Variants in SLC22A23 observed in about 807,000 individuals in gnomAD.
The protein encoded by SLC22A23 is solute carrier family 22 member 23.
Under a neutral mutation model 61.0 loss-of-function variants are expected in SLC22A23, and 26 were observed. That is an observed-to-expected ratio of 0.43 (90% CI 0.31 to 0.59). The LOEUF (loss-of-function observed/expected upper bound fraction) is 0.59. SLC22A23 is among the 20% of genes least tolerant of loss of function. The probability of loss-of-function intolerance (pLI) is 0.11; values close to 1 mark genes in which losing one functional copy is unlikely to be tolerated. For synonymous variants in SLC22A23, 430 were observed against 413.9 expected, an observed-to-expected ratio of 1.04 and a Z score of -0.47; for missense variants, 796 against 934.7, an observed-to-expected ratio of 0.85 and a Z score of 1.94.
intron 3 of SLC22A23, among the ~76,000 whole-genome samples, chr6:3,336,301 T>C (rs1321368722): frequency 6.6e-6 from 1 of 152,228 alleles, no homozygotes; most frequent in Non-Finnish European, 1.5e-5. Flanking sequence ...CACGCCCACA[T>C]TGTTCTCACC....
rs1293503208 is a variant in SLC22A23, at chr6:3,317,401, C to T, written c.1082+6433G>A. Among the ~76,000 whole-genome samples the T allele has an allele frequency of 1.3e-5, 2 of 152,212 alleles. No individual in the cohort carries two copies. Among genetic ancestry groups the T allele is most frequent in the African/African-American group, 4.8e-5 (2 of 41,440 alleles). ...CAGCAGCTCTTGCACCCAGCTCCCT[C>T]TTCCATTCTGGCACCTCCTGCCACC... On this transcript the variant is annotated intron_variant, in intron 4 of 9. Coordinates refer to ENST00000406686, the MANE Select transcript of SLC22A23 (RefSeq NM_015482.2). This position sits in a 1 kb window ranked among gnomAD's most constrained non-coding sequence, Gnocchi z 4.4.
chr6:3,415,739 T>G lies in SLC22A23; in HGVS notation c.758+13A>C. 1 of 1,536,862 alleles carries G rather than the reference T, an allele frequency of 6.5e-7. No homozygotes were observed. Among genetic ancestry groups the G allele is most frequent in the Non-Finnish European group, 8.8e-7 (1 of 1,133,608 alleles). On this transcript the variant is annotated intron_variant, in intron 2 of 9. Coordinates refer to ENST00000406686, the MANE Select transcript of SLC22A23 (RefSeq NM_015482.2). ...CCTCCAAAGGTTCGTGCGGCGGGCA[T>G]GTTGGTACTCACCAGTCAGCAATGC... is the stretch of plus-strand genomic sequence containing the variant.
At chr6:3,306,848 A>C (rs907824802) in intron 4 of SLC22A23, among the ~76,000 whole-genome samples, 27 of 152,190 alleles carry the variant, frequency 1.8e-4, no homozygotes, top group Non-Finnish European at 4.4e-5. Context: ...CGCTGTCTAG[A>C]GCAGAATGTT....
intron 3 of SLC22A23, among the ~76,000 whole-genome samples, chr6:3,331,207 C>T (rs756778045): frequency 2.5e-4 from 38 of 152,174 alleles, no homozygotes; most frequent in Non-Finnish European, 4.4e-4. Flanking sequence ...CTGTATTACC[C>T]CATATCTCTG....
rs1047127914 is a variant in SLC22A23, at chr6:3,272,667, C to T, written c.*388G>A. ...GGGGCTCCTGGGTGCTGCCAGGAGC[C>T]GTGTCCCATCTCCCCAGAGGGACCG... On this transcript the variant is annotated 3_prime_UTR_variant, in exon 10 of 10. Coordinates refer to ENST00000406686, the MANE Select transcript of SLC22A23 (RefSeq NM_015482.2). 4 of 158,050 alleles carry T rather than the reference C, an allele frequency of 2.5e-5. No individual in the cohort carries two copies. The highest frequency in any genetic ancestry group is 9.6e-5 in the African/African-American group (4 of 41,610). The allele number at this position is 158,050 out of a possible 1,614,324, so 9.8% of individuals were successfully genotyped here.
chr6:3,404,114 G>T (rs1028039891), intron 3 of SLC22A23, among the ~76,000 whole-genome samples: 1 of 152,210 alleles, frequency 6.6e-6, no homozygotes, highest in African/African-American at 2.4e-5. Context: ...CACAGTTTAA[G>T]AACAGCCTCC....
intron 3 of SLC22A23, among the ~76,000 whole-genome samples, chr6:3,346,187 G>A (rs181987013): frequency 1.4e-4 from 21 of 152,250 alleles, no homozygotes; most frequent in Admixed American, 9.8e-4. Flanking sequence ...GAATGTGCAC[G>A]ATGCCAATCT....
chr6:3,371,631 G>C (rs552397920), intron 3 of SLC22A23, among the ~76,000 whole-genome samples: 1 of 151,938 alleles, frequency 6.6e-6, no homozygotes, highest in African/African-American at 2.4e-5. Context: ...TGTAAAATGG[G>C]GATAAAAATC....
intron 6 of SLC22A23, 86 bp downstream of exon 6, chr6:3,289,678 G>C: frequency 9.4e-7 from 1 of 1,067,706 alleles, no homozygotes; most frequent in Non-Finnish European, 1.4e-6. Context: ...TCAGCGGGGT[G>C]GGGAGCAGGG....
At chr6:3,408,835 T>G (rs185393459) in intron 3 of SLC22A23, among the ~76,000 whole-genome samples, 1 of 152,246 alleles carries the variant, frequency 6.6e-6, no homozygotes, top group East Asian at 1.9e-4. Flanking sequence ...TGGACTGCCC[T>G]CCCCCTGTGA....
chr6:3,319,118 C>T (rs747213750), intron 4 of SLC22A23, among the ~76,000 whole-genome samples: 11 of 152,220 alleles, frequency 7.2e-5, no homozygotes, highest in Non-Finnish European at 1.2e-4. Flanking sequence ...ACAGGATTCC[C>T]CTGCTTAAGA....
At chr6:3,311,054 C>T (rs896091473) in intron 4 of SLC22A23, among the ~76,000 whole-genome samples, 1 of 152,236 alleles carries the variant, frequency 6.6e-6, no homozygotes, top group Non-Finnish European at 1.5e-5. Flanking sequence ...GCACTGGGCA[C>T]CATCCACCTG....
intron 1 of SLC22A23, among the ~76,000 whole-genome samples, chr6:3,433,839 A>T (rs1277389862): frequency 2.6e-5 from 4 of 152,162 alleles, no homozygotes; most frequent in African/African-American, 9.7e-5. Context: ...AAACCATGCT[A>T]TGGGGATAGA....
chr6:3,274,538 G>GA (rs1758720512), intron 9 of SLC22A23, among the ~76,000 whole-genome samples: 1 of 152,214 alleles, frequency 6.6e-6, no homozygotes, highest in Non-Finnish European at 1.5e-5. Context: ...TGAGTGGGCT[G>GA]AAAGGGAGGT....
At chr6:3,295,992 T>C (rs930610847) in intron 5 of SLC22A23, among the ~76,000 whole-genome samples, 1 of 152,226 alleles carries the variant, frequency 6.6e-6, no homozygotes, top group Non-Finnish European at 1.5e-5. Flanking sequence ...AAGGATCTAA[T>C]ACCACTTTCC....
At chr6:3,416,018 A>G (rs532345066) in intron 1 of SLC22A23, among the ~76,000 whole-genome samples, 163 bp from the exon 2 acceptor site, 9 of 152,362 alleles carry the variant, frequency 5.9e-5, no homozygotes, top group Admixed American at 6.5e-5. Flanking sequence ...TGAAAATCCA[A>G]TGAGACATAT....
intron 3 of SLC22A23, among the ~76,000 whole-genome samples, chr6:3,401,022 T>G (rs1478121337): frequency 1.3e-5 from 2 of 152,214 alleles, no homozygotes; most frequent in Non-Finnish European, 2.9e-5. Context: ...AATGGAAATA[T>G]ATCACTAAAT....
At chr6:3,382,534 C>T (rs1240838987) in intron 3 of SLC22A23, among the ~76,000 whole-genome samples, 1 of 152,182 alleles carries the variant, frequency 6.6e-6, no homozygotes, top group Non-Finnish European at 1.5e-5. Context: ...TCAAAGTTTC[C>T]CATCTCTGAC....
At chr6:3,451,533 G>A (rs1772155365) in intron 1 of SLC22A23, among the ~76,000 whole-genome samples, 1 of 152,170 alleles carries the variant, frequency 6.6e-6, no homozygotes, top group South Asian at 2.1e-4. Flanking sequence ...GCAAGTCCAT[G>A]GAGTCTTTGT....
Sources: gnomAD v4.1 joint callset for allele counts (sites outside exome capture counted in the v4.1 genomes callset) on GRCh38, gnomAD v4.1.1 for gene constraint, Gnocchi (gnomAD v3.1) non-coding constraint, MANE v1.5 for transcripts, NCBI Gene and HGNC (gene_info 2026-07-23, HGNC 2026-07-21) for gene names.